SORBS2: variants seen among roughly 807,000 people sequenced by gnomAD.
The protein encoded by SORBS2 is sorbin and SH3 domain-containing protein 2.
Under a neutral mutation model 97.7 loss-of-function variants are expected in SORBS2, and 46 were observed. The ratio of observed to expected loss-of-function variants is 0.47; its 90% CI spans 0.37 to 0.60. The LOEUF (loss-of-function observed/expected upper bound fraction) is 0.60, where lower values mean the gene tolerates loss of function less well. SORBS2 is among the 20% of genes least tolerant of loss of function. The pLI, the probability that SORBS2 is intolerant of heterozygous loss-of-function variation, is 0.00. For missense variants in SORBS2, 1,316 were observed against 1,282.3 expected (o/e 1.03, Z -0.40); for synonymous variants, 476 against 473.4 (o/e 1.01, Z -0.07).
intron 2 of SORBS2, among the ~76,000 whole-genome samples, chr4:185,695,622 A>G (rs1424743901): frequency 1.3e-5 from 2 of 152,178 alleles, no homozygotes; most frequent in African/African-American, 4.8e-5. Context: ...GATCATTTGT[A>G]GCACTCTCTT....
intron 1 of SORBS2, among the ~76,000 whole-genome samples, chr4:185,812,518 G>A (rs1403760306): frequency 6.6e-6 from 1 of 152,164 alleles, no homozygotes; most frequent in Non-Finnish European, 1.5e-5. Flanking sequence ...CCCTATTAGT[G>A]GCTATCCAGG....
intron 2 of SORBS2, among the ~76,000 whole-genome samples, chr4:185,680,032 C>G (rs542009006): frequency 2.0e-5 from 3 of 152,148 alleles, no homozygotes; most frequent in Admixed American, 2.0e-4. Context: ...TCTTTATGAT[C>G]ATTGATAACT....
chr4:185,657,920 G>A (rs941092143), upstream of SORBS2, among the ~76,000 whole-genome samples: 3 of 152,176 alleles, frequency 2.0e-5, no homozygotes, highest in African/African-American at 7.2e-5. Context: ...CTTTGAGGGA[G>A]GGCAGGATAG....
chr4:185,813,808 C>T (rs1473897272), intron 1 of SORBS2, among the ~76,000 whole-genome samples: 2 of 152,188 alleles, frequency 1.3e-5, no homozygotes, highest in Non-Finnish European at 2.9e-5. Flanking sequence ...TCTGCGACTC[C>T]CCTGTACCGG....
chr4:185,731,866 CTATATATATATATATATATATA>C (rs544211866), intron 2 of SORBS2, among the ~76,000 whole-genome samples: 2,075 of 24,680 alleles, frequency 0.084, 78 homozygotes, highest in Middle Eastern at 0.16. Flanking sequence ...CTCTCTCTCT[CTATATATATATATATATATATA>C]TATATATATA....
chr4:185,690,126 T>G (rs2098064689), intron 2 of SORBS2, among the ~76,000 whole-genome samples: 1 of 152,236 alleles, frequency 6.6e-6, no homozygotes, highest in Non-Finnish European at 1.5e-5. Flanking sequence ...ATAGGTTAAT[T>G]AAGCTGATTT....
At chr4:185,605,748 C>T (rs965192750) in intron 12 of SORBS2, among the ~76,000 whole-genome samples, 35 of 152,134 alleles carry the variant, frequency 2.3e-4, no homozygotes, top group Admixed American at 2.3e-3. Context: ...CCACGCCTGG[C>T]TAGTTTTTGT....
chr4:185,781,579 T>TCCGGCCC (rs1299587531), intron 1 of SORBS2, among the ~76,000 whole-genome samples: 6 of 130,566 alleles, frequency 4.6e-5, no homozygotes, highest in African/African-American at 1.5e-4. Context: ...TTCCATTGCC[T>TCCGGCCC]CTGGCCCCTC....
chr4:185,901,116 T>A (rs1451494963), intron 1 of SORBS2, among the ~76,000 whole-genome samples: 1 of 152,268 alleles, frequency 6.6e-6, no homozygotes, highest in African/African-American at 2.4e-5. Flanking sequence ...ATTCAATTTA[T>A]ATCTATCTTT....
intron 2 of SORBS2, among the ~76,000 whole-genome samples, chr4:185,769,959 T>C (rs1276600837): frequency 1.6e-5 from 1 of 61,766 alleles, no homozygotes; most frequent in African/African-American, 8.7e-5. Flanking sequence ...GATGCTGTGT[T>C]TGGAGTAAAG....
chr4:185,931,125 T>C (rs2099266239), intron 1 of SORBS2, among the ~76,000 whole-genome samples: 1 of 152,204 alleles, frequency 6.6e-6, no homozygotes, highest in Admixed American at 6.5e-5. Context: ...TCACATTAGA[T>C]AATTTATCAT....
rs575651842 is a variant in SORBS2 at position 185,892,416 on chromosome 4, A to G, written c.-338+63780T>C. On this transcript the variant is annotated intron_variant, in intron 1 of 20. Coordinates refer to the SORBS2 transcript ENST00000284776. ...TCCATGTTAATTATTCCCCAGAGCAATGTCAGCATTCCCATAGATTCGATT... is the reference window on the plus strand; with the variant it reads ...TCCATGTTAATTATTCCCCAGAGCAGTGTCAGCATTCCCATAGATTCGATT... 8.5e-5 allele frequency among the ~76,000 whole-genome samples: 13 copies of G among 152,340 alleles called. No homozygotes were observed. The South Asian group carries it at 2.3e-3, about 27-fold the overall frequency.
At chr4:185,781,998 C>T (rs145796347) in intron 1 of SORBS2, among the ~76,000 whole-genome samples, 2 of 152,376 alleles carry the variant, frequency 1.3e-5, no homozygotes, top group East Asian at 3.9e-4. Flanking sequence ...TATCAGCTCC[C>T]GCTTGCCCCT....
intron 1 of SORBS2, among the ~76,000 whole-genome samples, chr4:185,827,089 ACCATCATCATCACCATCATCG>A (rs1481522321): frequency 4.8e-5 from 7 of 146,596 alleles, no homozygotes; most frequent in Admixed American, 2.1e-4. Context: ...CACCATCATC[ACCATCATCATCACCATCATCG>A]CCATCATCAT....
At chr4:185,938,383 G>GACACATAC (rs1443599360) in intron 1 of SORBS2, among the ~76,000 whole-genome samples, 30 of 91,404 alleles carry the variant, frequency 3.3e-4, no homozygotes, top group African/African-American at 1.2e-3. Flanking sequence ...GAAAAATGTA[G>GACACATAC]ACACATACAC....
At chr4:185,866,746 CGTA>C (rs990269070) in intron 1 of SORBS2, among the ~76,000 whole-genome samples, 17 of 152,128 alleles carry the variant, frequency 1.1e-4, no homozygotes, top group African/African-American at 2.7e-4. Flanking sequence ...CAGTAAAACT[CGTA>C]GATTACTGCC....
intron 4 of SORBS2, 52 bp downstream of exon 16, chr4:185,635,303 G>A: frequency 7.6e-7 from 1 of 1,320,322 alleles, no homozygotes; most frequent in Non-Finnish European, 1.1e-6. Context: ...CAGAATCACA[G>A]TCACAGCCTC....
chr4:185,826,585 C>T (rs1370619531), intron 1 of SORBS2, among the ~76,000 whole-genome samples: 1 of 152,170 alleles, frequency 6.6e-6, no homozygotes, highest in Non-Finnish European at 1.5e-5. Flanking sequence ...ATTATGATTA[C>T]CTTGCAAAAT....
At chr4:185,658,975 G>A (rs1364181937), upstream of SORBS2, among the ~76,000 whole-genome samples, 1 of 152,040 alleles carries the variant, frequency 6.6e-6, no homozygotes, top group East Asian at 1.9e-4. Flanking sequence ...CAAAGTGCTG[G>A]GATTACAGGC....
Sources: gnomAD v4.1 joint callset for allele counts (sites outside exome capture counted in the v4.1 genomes callset) on GRCh38, gnomAD v4.1.1 for gene constraint, MANE v1.5 for transcripts, NCBI Gene and HGNC (gene_info 2026-07-23, HGNC 2026-07-21) for gene names.